The following SYNE2 variants were observed in gnomAD, a reference collection of about 807,000 sequenced individuals.
The protein encoded by SYNE2 is nesprin-2.
In SYNE2, 431 loss-of-function variants were observed where a neutral mutation model predicts 856.3. The observed-to-expected ratio is 0.50, with a 90% CI of 0.47 to 0.55. The LOEUF (loss-of-function observed/expected upper bound fraction) is 0.55. Ranked by LOEUF, SYNE2 falls within the 20% of genes least tolerant of loss-of-function variation. SYNE2 has a pLI of 0.00. For missense variants in SYNE2, 8,129 were observed against 8,023.2 expected (o/e 1.01, Z -0.50); for synonymous variants, 2,923 against 2,872.3 (o/e 1.02, Z -0.56).
chr14:64,153,732 A>G (rs563274280), intron 85 of SYNE2, among the ~76,000 whole-genome samples: 15 of 152,256 alleles, frequency 9.9e-5, no homozygotes, highest in Non-Finnish European at 1.8e-4. Flanking sequence ...GAAGAAACAC[A>G]TGTAAACAGA....
chr14:63,777,005 G>A (rs948860008), intron 1 of SYNE2, among the ~76,000 whole-genome samples: 2 of 152,142 alleles, frequency 1.3e-5, no homozygotes, highest in Admixed American at 6.5e-5. Context: ...GAGACTCCTA[G>A]AGATTTTCTA....
At chr14:64,224,371 A>G (rs1308032554) in intron 113 of SYNE2, 90 bp from the exon 114 acceptor site, 3 of 1,157,134 alleles carry the variant, frequency 2.6e-6, no homozygotes, top group Non-Finnish European at 3.9e-6. Flanking sequence ...ACAAAAAAAG[A>G]TTGATTTAAG....
chr14:63,961,342 C>T (rs1281759377), intron 8 of SYNE2, among the ~76,000 whole-genome samples, 183 bp from the exon 9 acceptor site: 1 of 152,216 alleles, frequency 6.6e-6, no homozygotes, highest in African/African-American at 2.4e-5. Context: ...TAGATCTAAA[C>T]TCTTAGCCAC....
In SYNE2 at chr14:64,188,621, G is replaced by A. The variant is rs572217007; in HGVS notation, c.17784G>A (p.Glu5928=). Residue 5928 remains glutamate, a synonymous_variant, in exon 98 of 116, where the codon GAG becomes GAA. Transcript: ENST00000555002. ...TWVVFNEKNK[E]LCAWLVQMEN... is the part of the protein sequence containing the mutation. ...TTGTATTCAATGAAAAAAATAAAGA[G>A]TTGTGTGCCTGGCTGGTGCAGATGG... 1 of 1,614,230 alleles carries A rather than the reference G, an allele frequency of 6.2e-7. No individual in the cohort carries two copies. The highest frequency in any genetic ancestry group is 1.1e-5 in the South Asian group (1 of 91,076).
At chr14:63,805,300 T>C (rs1008172455) in intron 1 of SYNE2, among the ~76,000 whole-genome samples, 31 of 152,364 alleles carry the variant, frequency 2.0e-4, no homozygotes, top group African/African-American at 7.0e-4. Context: ...TGTAAATTAC[T>C]TTGGGCAGTA....
Position 64,052,989 on chromosome 14 carries a change from GA to G in SYNE2, c.9081del (p.Glu3028LysfsTer25), listed in dbSNP as rs1253969126. ...QLDQLQTQVF[E>X]KEKELEEKIK... ...TGACCAATTACAAACCCAAGTATTT[GA>G]AAAAGAAAAGGAACTTGAAGAAAAA... On this transcript the variant is annotated frameshift_variant, in exon 48 of 116. Coordinates refer to ENST00000555002, the MANE Select transcript of SYNE2 (RefSeq NM_182914.3). LOFTEE classifies it high-confidence loss of function. The G allele has an allele frequency of 5.0e-6, 8 of 1,610,412 alleles. No individual in the cohort carries two copies. In the Admixed American group the frequency reaches 1.3e-4, roughly 27 times the overall value.
intron 1 of SYNE2, among the ~76,000 whole-genome samples, chr14:63,826,159 A>G (rs1889422227): frequency 6.6e-6 from 1 of 152,224 alleles, no homozygotes; most frequent in African/African-American, 2.4e-5. Flanking sequence ...ACTAAAAGCT[A>G]CAGTAATCAA....
At position 64,027,854 on chromosome 14, in the gene SYNE2, A is replaced by G. The variant is rs1176438087; in HGVS notation, c.6714+61A>G. 8.0e-6 allele frequency: 10 copies of G among 1,250,852 alleles called. No homozygotes were observed. In the East Asian group the frequency reaches 9.4e-5, roughly 12 times the overall value. The allele number at this position is 1,250,852 out of a possible 1,614,324, so 77.5% of individuals were successfully genotyped here. A position where few individuals can be genotyped will look rare whatever the true frequency, so the allele number is the denominator to read the frequency against. The stretch of plus-strand genomic sequence containing the variant: ...CTAATTATACATAAGTATGCAAGAC[A>G]TATGTGGAACTATCTGTTGTTGTTG... On this transcript the variant is annotated intron_variant, in intron 43 of 115. Transcript: ENST00000555002.
intron 1 of SYNE2, among the ~76,000 whole-genome samples, chr14:63,792,586 TATATC>T (rs1887772234): frequency 1.3e-5 from 2 of 152,138 alleles, no homozygotes; most frequent in African/African-American, 4.8e-5. Flanking sequence ...TAACTATATT[TATATC>T]AGATAAAATA....
chr14:63,975,009 G>T (rs962417158), intron 11 of SYNE2, among the ~76,000 whole-genome samples: 4 of 149,382 alleles, frequency 2.7e-5, no homozygotes, highest in African/African-American at 9.8e-5. Context: ...CTGGCTCTGT[G>T]ACGTCACTTA....
intron 96 of SYNE2, among the ~76,000 whole-genome samples, chr14:64,178,903 A>G (rs932110165): frequency 6.6e-6 from 1 of 152,056 alleles, no homozygotes. Context: ...AGATCCCCAT[A>G]TGTACAGCAA....
intron 42 of SYNE2, 32 bp downstream of exon 42, chr14:64,026,762 A>AT: frequency 6.3e-7 from 1 of 1,586,502 alleles, no homozygotes. Context: ...CTTGCATCAT[A>AT]TCCCATTGCC....
chr14:63,997,942 G>A (rs948310886), intron 25 of SYNE2, among the ~76,000 whole-genome samples: 5 of 152,154 alleles, frequency 3.3e-5, no homozygotes, highest in Non-Finnish European at 7.4e-5. Flanking sequence ...GTAGGCTTCT[G>A]TCTACTTTTG....
intron 45 of SYNE2, among the ~76,000 whole-genome samples, chr14:64,035,745 G>A (rs1474749863): frequency 6.6e-6 from 1 of 152,012 alleles, no homozygotes; most frequent in Non-Finnish European, 1.5e-5. Context: ...AGGCTGGAGT[G>A]TAGTCATAGT....
At chr14:63,978,558 G>T (rs2096562264) in intron 13 of SYNE2, among the ~76,000 whole-genome samples, 1 of 152,174 alleles carries the variant, frequency 6.6e-6, no homozygotes, top group Non-Finnish European at 1.5e-5. Flanking sequence ...GAAGTTTTCA[G>T]ATTTAGTAAA....
intron 28 of SYNE2, 104 bp downstream of exon 28, chr14:64,000,823 G>C (rs1425874782): frequency 9.3e-7 from 1 of 1,076,310 alleles, no homozygotes; most frequent in African/African-American, 1.6e-5. Flanking sequence ...TATTTTATTT[G>C]GATGTCACAA....
chr14:64,220,361 T>TC (rs1486068123), intron 110 of SYNE2, 76 bp from the exon 111 acceptor site: 28 of 1,515,768 alleles, frequency 1.8e-5, no homozygotes, highest in Admixed American at 3.4e-5. Context: ...GAAAATTTGT[T>TC]CCCTACTGAG....
chr14:63,786,798 C>T (rs1032724209), intron 1 of SYNE2, among the ~76,000 whole-genome samples: 2 of 152,140 alleles, frequency 1.3e-5, no homozygotes, highest in African/African-American at 4.8e-5. Context: ...GGGTCTCGCT[C>T]TGTTACCCAG....
chr14:63,850,857 C>A (rs142130828), upstream of SYNE2, among the ~76,000 whole-genome samples: 24 of 152,262 alleles, frequency 1.6e-4, no homozygotes, highest in African/African-American at 5.8e-4. Context: ...GAAATTGTAA[C>A]ATTTTCTCCA....
Sources: allele counts gnomAD v4.1 joint callset (sites outside exome capture counted in the v4.1 genomes callset), GRCh38; gene constraint gnomAD v4.1.1; transcripts MANE v1.5; gene names NCBI Gene and HGNC (gene_info 2026-07-23, HGNC 2026-07-21).